The following BMP6 variants were observed in gnomAD, a reference collection of about 807,000 sequenced individuals.
BMP6 encodes the protein VG-1-R.
In BMP6, 17 loss-of-function variants were observed where a neutral mutation model predicts 54.1. The observed-to-expected ratio is 0.31, with a 90% CI of 0.22 to 0.47. The LOEUF (loss-of-function observed/expected upper bound fraction) is 0.47, where lower values mean the gene tolerates loss of function less well. Ranked by LOEUF, BMP6 falls within the 20% of genes least tolerant of loss-of-function variation. The pLI, the probability that BMP6 is intolerant of heterozygous loss-of-function variation, is 1.00. For synonymous variants in BMP6, 328 were observed against 291.2 expected, an observed-to-expected ratio of 1.13 and a Z score of -1.28; for missense variants, 720 against 690.4, an observed-to-expected ratio of 1.04 and a Z score of -0.48.
rs114216321 is a variant in BMP6, at chr6:7,880,169, C to T, written c.1393-25C>T. 2.8e-3 allele frequency: 4,557 copies of T among 1,614,038 alleles called. 113 individuals carry two copies. The African/African-American group carries it at 0.054, about 19-fold the overall frequency. ...AGACCAGGTGTCATTTCTAAGGTAC[C>T]TTCTCCCCTTCTGTTTTGGAACAGG... On this transcript the variant is annotated intron_variant, in intron 6 of 6. Coordinates refer to ENST00000283147, the MANE Select transcript of BMP6 (RefSeq NM_001718.6).
intron 4 of BMP6, among the ~76,000 whole-genome samples, chr6:7,866,108 A>G (rs1276189812): frequency 6.6e-6 from 1 of 152,184 alleles, no homozygotes; most frequent in Non-Finnish European, 1.5e-5. Context: ...GTTTGGATCG[A>G]CGTCTCCCTG....
At chr6:7,848,613 C>G (rs1011501253) in intron 2 of BMP6, among the ~76,000 whole-genome samples, 5 of 152,288 alleles carry the variant, frequency 3.3e-5, no homozygotes, top group Non-Finnish European at 5.9e-5. Context: ...GTTGGCTGGT[C>G]CTATGATTAT....
intron 1 of BMP6, among the ~76,000 whole-genome samples, chr6:7,817,533 T>A (rs925191430): frequency 5.9e-5 from 8 of 135,556 alleles, no homozygotes; most frequent in Admixed American, 4.1e-4. Flanking sequence ...ATGAGAACAC[T>A]TGGACACAGG....
intron 1 of BMP6, among the ~76,000 whole-genome samples, chr6:7,765,758 C>T (rs953894536): frequency 6.6e-6 from 1 of 152,364 alleles, no homozygotes; most frequent in African/African-American, 2.4e-5. Context: ...ATGAGCCTCA[C>T]TGGATTAAGA....
chr6:7,752,753 T>C (rs766434583), intron 1 of BMP6, among the ~76,000 whole-genome samples: 2 of 152,168 alleles, frequency 1.3e-5, no homozygotes, highest in Non-Finnish European at 2.9e-5. Context: ...AAGTGTAGAC[T>C]ATTTTTATGG....
intron 1 of BMP6, among the ~76,000 whole-genome samples, chr6:7,781,329 T>C (rs1757940589): frequency 6.6e-6 from 1 of 151,834 alleles, no homozygotes; most frequent in Non-Finnish European, 1.5e-5. Flanking sequence ...CCCATGCTCG[T>C]TCATACGTAC....
chr6:7,859,189 C>T (rs778429937), intron 2 of BMP6, among the ~76,000 whole-genome samples: 2 of 152,100 alleles, frequency 1.3e-5, no homozygotes, highest in Non-Finnish European at 2.9e-5. Context: ...TGTTTTCCTC[C>T]TCCTCCTTGG....
At chr6:7,815,792 C>T (rs917751424) in intron 1 of BMP6, among the ~76,000 whole-genome samples, 6 of 152,184 alleles carry the variant, frequency 3.9e-5, no homozygotes, top group African/African-American at 7.2e-5. Flanking sequence ...TAACAGTGGG[C>T]GTTTAACAGT....
chr6:7,825,546 C>T (rs1300888043), intron 1 of BMP6, among the ~76,000 whole-genome samples: 2 of 151,844 alleles, frequency 1.3e-5, no homozygotes, highest in African/African-American at 4.8e-5. Flanking sequence ...TATGGTGAAA[C>T]CCCATCTCTA....
intron 1 of BMP6, among the ~76,000 whole-genome samples, chr6:7,731,230 C>A (rs1334487076): frequency 6.6e-6 from 1 of 152,192 alleles, no homozygotes; most frequent in African/African-American, 2.4e-5. Context: ...GCCACAGATG[C>A]CATTTTCTAT....
intron 1 of BMP6, among the ~76,000 whole-genome samples, chr6:7,802,618 A>G (rs918916644): frequency 1.3e-5 from 2 of 152,190 alleles, no homozygotes; most frequent in Non-Finnish European, 2.9e-5. Context: ...GGAGGAAGAC[A>G]GGGCAGTCAC....
intron 1 of BMP6, 87 bp downstream of exon 1, chr6:7,727,706 G>A (rs995571650): frequency 2.2e-6 from 3 of 1,359,972 alleles, no homozygotes; most frequent in African/African-American, 3.1e-5. Flanking sequence ...GGGTGGAGGA[G>A]CTCCCGGCGC....
At position 7,808,905 on chromosome 6, in the gene BMP6, C is replaced by T. The variant is rs544551700; in HGVS notation, c.665-36235C>T. Among the ~76,000 whole-genome samples the T allele has an allele frequency of 3.6e-3, 487 of 134,506 alleles. 4 individuals are homozygous for T. The highest frequency in any genetic ancestry group is 0.013 in the African/African-American group (450 of 33,694). 88.2% of individuals were successfully genotyped at this position (134,506 alleles called of 152,430 possible). On this transcript the variant is annotated intron_variant, in intron 1 of 6. Transcript: ENST00000283147. ...CTCCAGCCTGGGCAACAGAACAAGA[C>T]CCTGTCTCTAAAAAAAAAAAAAAAA...
intron 1 of BMP6, among the ~76,000 whole-genome samples, chr6:7,733,333 G>T (rs1222894739): frequency 3.3e-5 from 5 of 152,190 alleles, no homozygotes; most frequent in Non-Finnish European, 7.3e-5. Flanking sequence ...GGTGCTTCCA[G>T]TAGTGGGAAG....
chr6:7,843,775 C>T (rs1314879158), intron 1 of BMP6, among the ~76,000 whole-genome samples: 1 of 152,178 alleles, frequency 6.6e-6, no homozygotes, highest in African/African-American at 2.4e-5. Context: ...TATCACTTTT[C>T]TCACACAGGA....
At chr6:7,863,971 G>A (rs1349251009) in intron 4 of BMP6, among the ~76,000 whole-genome samples, 4 of 146,294 alleles carry the variant, frequency 2.7e-5, no homozygotes, top group Admixed American at 2.1e-4. Context: ...AGTGAGCCAA[G>A]ATTAAGATTA....
At chr6:7,820,685 A>G (rs1346319223) in intron 1 of BMP6, among the ~76,000 whole-genome samples, 3 of 152,138 alleles carry the variant, frequency 2.0e-5, no homozygotes, top group Non-Finnish European at 4.4e-5. Flanking sequence ...ACATTTTTCT[A>G]GGAGCTGAGT....
At chr6:7,839,705 T>TC (rs1487678275) in intron 1 of BMP6, among the ~76,000 whole-genome samples, 1 of 152,236 alleles carries the variant, frequency 6.6e-6, no homozygotes, top group Non-Finnish European at 1.5e-5. Context: ...TACCCATTCA[T>TC]CCGTCAGTGG....
intron 1 of BMP6, among the ~76,000 whole-genome samples, chr6:7,781,296 C>G (rs1338334241): frequency 6.6e-6 from 1 of 152,208 alleles, no homozygotes. Context: ...TGCTAAAGTT[C>G]ACATGGCCAG....
Sources: allele counts gnomAD v4.1 joint callset (sites outside exome capture counted in the v4.1 genomes callset), GRCh38; gene constraint gnomAD v4.1.1; transcripts MANE v1.5; gene names NCBI Gene and HGNC (gene_info 2026-07-23, HGNC 2026-07-21).